DHRS9: variants seen among roughly 807,000 people sequenced by gnomAD.
DHRS9 encodes dehydrogenase/reductase SDR family member 9.
A neutral mutation model predicts 26.6 loss-of-function variants in DHRS9; 18 were observed. The observed-to-expected ratio is 0.68, with a 90% confidence interval of 0.47 to 1.00. The LOEUF is 1.00. DHRS9 is among the 50% of genes least tolerant of loss of function. The probability of loss-of-function intolerance (pLI) is 0.00; values close to 1 mark genes in which losing one functional copy is unlikely to be tolerated. For missense variants in DHRS9, 425 were observed against 378.7 expected, an observed-to-expected ratio of 1.12 and a Z score of -1.01; for synonymous variants, 134 against 141.1, an observed-to-expected ratio of 0.95 and a Z score of 0.36.
intron 1 of DHRS9, among the ~76,000 whole-genome samples, chr2:169,076,195 T>C (rs2105282788): frequency 6.6e-6 from 1 of 152,338 alleles, no homozygotes; most frequent in East Asian, 1.9e-4. Flanking sequence ...CATGAATTCA[T>C]ATCTGATTTA....
intron 1 of DHRS9, among the ~76,000 whole-genome samples, chr2:169,077,044 G>T (rs1260021833): frequency 6.6e-6 from 1 of 152,102 alleles, no homozygotes; most frequent in Non-Finnish European, 1.5e-5. Flanking sequence ...AGAGGCTGAA[G>T]AAAATAAGAC....
chr2:169,089,229 G>A (rs1038811012), intron 3 of DHRS9, among the ~76,000 whole-genome samples: 1 of 152,202 alleles, frequency 6.6e-6, no homozygotes, highest in African/African-American at 2.4e-5. Context: ...GGGACAAGGA[G>A]ACAGGGCAGT....
Position 169,091,855 on chromosome 2 carries a change from T to C in DHRS9, c.638T>C (p.Leu213Ser). The C allele has an allele frequency of 1.2e-6, 2 of 1,614,076 alleles. No homozygotes were observed. Among genetic ancestry groups the C allele is most frequent in the Non-Finnish European group, 1.7e-6 (2 of 1,180,006 alleles). Residue 213 changes from leucine to serine, a missense_variant, in exon 4 of 5, where the codon TTG becomes TCG. Transcript: ENST00000674881. ...CIEPGLFKTN[L>S]ADPVKVIEKK... ...GAACCAGGATTGTTCAAAACAAACT[T>C]GGCAGATCCAGTAAAGGTAATTGAA...
rs1213180681 is a variant in DHRS9, at chr2:169,095,901, G to C, written c.*134G>C. On this transcript the variant is annotated 3_prime_UTR_variant, in exon 5 of 5. Coordinates refer to ENST00000674881, the MANE Select transcript of DHRS9 (RefSeq NM_001376924.1). ...TCGTGCTTATTTGGATTGCAAAAGG[G>C]AGTCCCACCATCGCTGGTGGTATCC... 1.2e-6 allele frequency: 1 copy of C among 802,702 alleles called. No homozygotes were observed. 49.7% of individuals were successfully genotyped at this position (802,702 alleles called of 1,614,324 possible). A position where few individuals can be genotyped will look rare whatever the true frequency, so the allele number is the denominator to read the frequency against.
At chr2:169,069,511 G>A, upstream of DHRS9, 1 of 985,262 alleles carries the variant, frequency 1.0e-6, no homozygotes, top group Non-Finnish European at 1.2e-6. Context: ...TGTCACAATG[G>A]GAGTGACTCA....
intron 3 of DHRS9, among the ~76,000 whole-genome samples, chr2:169,088,153 C>T (rs2105298659): frequency 6.6e-6 from 1 of 152,342 alleles, no homozygotes; most frequent in Non-Finnish European, 1.5e-5. Flanking sequence ...CTTGCTGGCA[C>T]TCAGGTTCCA....
At chr2:169,095,418 T>G in intron 4 of DHRS9, 126 bp from the exon 5 acceptor site, 4 of 762,542 alleles carry the variant, frequency 5.2e-6, no homozygotes, top group Non-Finnish European at 9.0e-6. Flanking sequence ...ATCCTCAAAA[T>G]GAGCCTCAAT....
intron 1 of DHRS9, chr2:169,081,187 A>AG: frequency 2.0e-6 from 2 of 1,010,114 alleles, no homozygotes; most frequent in Non-Finnish European, 2.4e-6. Context: ...TCTTCCTGAT[A>AG]GACGAGTTCA....
intron 1 of DHRS9, chr2:169,081,079 C>A: frequency 1.0e-6 from 1 of 956,972 alleles, no homozygotes; most frequent in Non-Finnish European, 1.2e-6. Context: ...TCTGACAGAA[C>A]AATTAAAATT....
chr2:169,092,057 A>T, intron 4 of DHRS9, 104 bp downstream of exon 4: 1 of 1,242,448 alleles, frequency 8.0e-7, no homozygotes, highest in Non-Finnish European at 1.1e-6. Context: ...GTAATACCCC[A>T]ATAAGGATCT....
chr2:169,083,916 C>A (rs1684273465), intron 3 of DHRS9, among the ~76,000 whole-genome samples: 1 of 152,150 alleles, frequency 6.6e-6, no homozygotes, highest in Admixed American at 6.6e-5. Context: ...GTTGTGCTAT[C>A]AAATACTAGA....
intron 3 of DHRS9, among the ~76,000 whole-genome samples, chr2:169,083,975 C>G (rs1684275953): frequency 6.6e-6 from 1 of 151,952 alleles, no homozygotes; most frequent in East Asian, 1.9e-4. Flanking sequence ...TACCCCCTAA[C>G]CATTCCCTCT....
At position 169,082,762 on chromosome 2, in the gene DHRS9, G is replaced by T. The variant is rs1258962511; in HGVS notation, c.314-567G>T. The stretch of plus-strand genomic sequence containing the variant: ...ACAGAACATTATATAAATATTCTCT[G>T]GCCTTACTATCTAGCAAGGCAGGAA... On this transcript the variant is annotated intron_variant, in intron 2 of 4. Transcript: ENST00000674881. 2.0e-5 allele frequency among the ~76,000 whole-genome samples: 3 copies of T among 151,888 alleles called. 1 individual carries two copies. The highest frequency in any genetic ancestry group is 2.0e-4 in the Admixed American group (3 of 15,238).
chr2:169,070,045 G>A (rs1249862116), intron 1 of DHRS9: 9 of 954,220 alleles, frequency 9.4e-6, no homozygotes, highest in Non-Finnish European at 1.1e-5. Context: ...ATGATTAATT[G>A]GAAACTGGAG....
Position 169,080,019 on chromosome 2 carries a change from AAGAAAGAAAG to A in DHRS9, c.-59-1502_-59-1493del, listed in dbSNP as rs1464472666. ...AAAGAAAGAAAGAAAGAAAGAAAGA[AAGAAAGAAAG>A]AAAGAAAGAAAGAAAGAAAGAAAAT... On this transcript the variant is annotated intron_variant, in intron 1 of 4. Transcript: ENST00000674881. 7.2e-5 allele frequency among the ~76,000 whole-genome samples: 10 copies of A among 139,398 alleles called. No individual in the cohort carries two copies. The East Asian group carries it at 2.0e-3, about 28-fold the overall frequency. The allele number at this position is 139,398 out of a possible 152,430, so 91.5% of individuals were successfully genotyped here.
Position 169,072,563 on chromosome 2 carries a change from C to T in DHRS9, c.-60+2846C>T, listed in dbSNP as rs144956108. The T allele has an allele frequency of 1.5e-3, 1,443 of 978,918 alleles. 40 individuals carry two copies. The East Asian group carries it at 0.027, about 18-fold the overall frequency. The allele number at this position is 978,918 out of a possible 1,614,324, so 60.6% of individuals were successfully genotyped here. A position where few individuals can be genotyped will look rare whatever the true frequency, so the allele number is the denominator to read the frequency against. ...GTGAAATTAAATAATCCTATTTTAACTTTTTTACTAGGAAAACAAACTCAG... is the reference window on the plus strand; with the variant it reads ...GTGAAATTAAATAATCCTATTTTAATTTTTTTACTAGGAAAACAAACTCAG... On this transcript the variant is annotated intron_variant, in intron 1 of 4. Transcript: ENST00000674881.
chr2:169,083,720 T>C, intron 3 of DHRS9, 133 bp downstream of exon 3: 1 of 981,886 alleles, frequency 1.0e-6, no homozygotes, highest in East Asian at 2.6e-5. Flanking sequence ...GGGTACATAG[T>C]AGGTATATAT....
chr2:169,092,106 A>C (rs573748464), intron 4 of DHRS9, among the ~76,000 whole-genome samples, 153 bp downstream of exon 4: 1 of 152,356 alleles, frequency 6.6e-6, no homozygotes, highest in Admixed American at 6.5e-5. Flanking sequence ...TTTCAGTGTC[A>C]TCTCTTGCTT....
intron 1 of DHRS9, chr2:169,070,271 G>A (rs1197597905): frequency 1.0e-6 from 1 of 985,274 alleles, no homozygotes; most frequent in African/African-American, 1.7e-5. Context: ...ATTCATATTT[G>A]ATCCCTGGAT....
Sources: gnomAD v4.1 joint callset for allele counts (sites outside exome capture counted in the v4.1 genomes callset) on GRCh38, gnomAD v4.1.1 for gene constraint, MANE v1.5 for transcripts, NCBI Gene and HGNC (gene_info 2026-07-23, HGNC 2026-07-21) for gene names.